TTC3: variants seen among roughly 807,000 people sequenced by gnomAD.
TTC3 encodes the protein E3 ubiquitin-protein ligase TTC3.
TTC3 carries 180 observed loss-of-function variants against 249.6 expected under a neutral mutation model. The ratio of observed to expected loss-of-function variants is 0.72; its 90% CI spans 0.64 to 0.82. The LOEUF (loss-of-function observed/expected upper bound fraction) is 0.82. Ranked by LOEUF, TTC3 falls within the 40% of genes least tolerant of loss-of-function variation. The pLI is 0.00. For synonymous variants in TTC3, 717 were observed against 805.0 expected (o/e 0.89, Z 1.85); for missense variants, 2,061 against 2,398.4 (o/e 0.86, Z 2.94).
chr21:37,176,921 C>T (rs540666888), intron 35 of TTC3, among the ~76,000 whole-genome samples: 102 of 152,288 alleles, frequency 6.7e-4, no homozygotes, highest in Non-Finnish European at 1.4e-3. Flanking sequence ...CACCACTTTA[C>T]AGCAGTGTAG....
At chr21:37,111,704 A>T (rs1293231872) in intron 11 of TTC3, among the ~76,000 whole-genome samples, 1 of 152,210 alleles carries the variant, frequency 6.6e-6, no homozygotes, top group Non-Finnish European at 1.5e-5. Flanking sequence ...CGGACCTAAT[A>T]GACATCTGCA....
At chr21:37,101,422 T>C (rs1056512628) in intron 10 of TTC3, 1 of 132,636 alleles carries the variant, frequency 7.5e-6, no homozygotes, top group African/African-American at 2.9e-5. Flanking sequence ...TGCCCTCTGG[T>C]GTGTGCTCTT....
chr21:37,083,762 T>C (rs768392796), intron 1 of TTC3: 1 of 152,222 alleles, frequency 6.6e-6, no homozygotes, highest in Admixed American at 6.5e-5. Flanking sequence ...GTGGGACATC[T>C]TGGTTAAGAT....
chr21:37,106,787 C>T (rs543254853), intron 10 of TTC3, among the ~76,000 whole-genome samples: 2 of 152,148 alleles, frequency 1.3e-5, no homozygotes, highest in Non-Finnish European at 2.9e-5. Context: ...TTCCCAGCTA[C>T]TCAGGAGGCT....
intron 10 of TTC3, among the ~76,000 whole-genome samples, chr21:37,103,265 C>G (rs145282621): frequency 1.0e-3 from 155 of 152,326 alleles, no homozygotes; most frequent in African/African-American, 3.5e-3. Context: ...AATAAAAACA[C>G]TTCCCTATGT....
intron 15 of TTC3, among the ~76,000 whole-genome samples, chr21:37,127,843 A>G (rs2077157357): frequency 6.6e-6 from 1 of 152,186 alleles, no homozygotes; most frequent in South Asian, 2.1e-4. Flanking sequence ...TGGTTAGCAC[A>G]TTAGCGTAAT....
At chr21:37,081,331 T>A (rs923774988) in intron 1 of TTC3, among the ~76,000 whole-genome samples, 2 of 152,092 alleles carry the variant, frequency 1.3e-5, no homozygotes, top group African/African-American at 4.8e-5. Context: ...TTGGCCAGGA[T>A]GGTCTTGATC....
In TTC3 at chr21:37,110,171, G is replaced by A. The variant is rs1412963638; in HGVS notation, c.900+1725G>A. 7.9e-5 allele frequency among the ~76,000 whole-genome samples: 12 copies of A among 152,372 alleles called. No individual in the cohort carries two copies. In the East Asian group the frequency reaches 2.1e-3, roughly 27 times the overall value. ...AGTGCCTCTCCTCCTCCAAAGGAAC[G>A]CAGCTCCTCACCAGCAATGGAACAA... On this transcript the variant is annotated intron_variant, in intron 11 of 45. Coordinates refer to ENST00000355666, the Ensembl canonical transcript of TTC3.
chr21:37,156,822 C>T (rs748780771), exon 28 of TTC3: 35 of 1,613,862 alleles, frequency 2.2e-5, no homozygotes, highest in African/African-American at 1.6e-4. Flanking sequence ...GAAGGAAGCC[C>T]GTTGTTTAAT....
intron 17 of TTC3, 51 bp downstream of exon 17, chr21:37,132,817 A>ATGTT: frequency 8.8e-6 from 12 of 1,369,320 alleles, no homozygotes; most frequent in African/African-American, 1.5e-5. Flanking sequence ...TGAACAAAAC[A>ATGTT]TTGTTCACAT....
chr21:37,197,458 GTGCATT>G, intron 42 of TTC3, 106 bp from the exon 43 acceptor site: 1 of 1,270,876 alleles, frequency 7.9e-7, no homozygotes, highest in South Asian at 1.3e-5. Context: ...TTAATTTTAT[GTGCATT>G]TGTCTTTGTT....
Position 37,166,486 on chromosome 21 carries a change from T to G in TTC3, c.4272T>G (p.Ala1424=), listed in dbSNP as rs770650120. The change falls in exon 33 of 46, where the codon GCT becomes GCG. Residue 1424 remains alanine (A), a synonymous_variant. Transcript: ENST00000355666. ...AGTCACACTGCAGCACAGGTGATGC[T>G]CATACAGTCCTGAGTGAGTCTAACA... is the stretch of plus-strand genomic sequence containing the variant. The G allele has an allele frequency of 2.5e-6, 4 of 1,614,196 alleles. No individual in the cohort carries two copies. The South Asian group carries it at 4.4e-5, about 18-fold the overall frequency.
chr21:37,112,846 A>G (rs2075794854), intron 11 of TTC3, among the ~76,000 whole-genome samples: 1 of 152,252 alleles, frequency 6.6e-6, no homozygotes, highest in Admixed American at 6.5e-5. Context: ...ATCCACCATG[A>G]TCAAGTGGGC....
At chr21:37,094,257 C>G (rs3753072) in intron 8 of TTC3, among the ~76,000 whole-genome samples, 167 bp downstream of exon 8, 25,856 of 151,954 alleles carry the variant, frequency 0.17, 2,515 homozygotes, top group Non-Finnish European at 0.22. Flanking sequence ...ATTTAAAAAC[C>G]ATTAATTGAA....
chr21:37,201,627 A>C (rs2085517010), exon 46 of TTC3: 1 of 1,578,650 alleles, frequency 6.3e-7, no homozygotes, highest in Admixed American at 1.9e-5. Flanking sequence ...AAGAATGACA[A>C]TTTTCTACCA....
In TTC3 at chr21:37,188,560, A is replaced by G. The variant is rs144256249; in HGVS notation, c.4989A>G (p.Ala1663=). 6.8e-6 allele frequency: 11 copies of G among 1,614,018 alleles called. No individual in the cohort carries two copies. In the African/African-American group the frequency reaches 9.3e-5, roughly 14 times the overall value. Reference sequence around the variant, plus strand: ...AGCTACAGATCATGGAGTCACAAGCAGAAGCCTTTCTGAAGAAGCTGGGGC... The same window carrying G: ...AGCTACAGATCATGGAGTCACAAGCGGAAGCCTTTCTGAAGAAGCTGGGGC... The change falls in exon 39 of 46, where the codon GCA becomes GCG. Residue 1663 remains alanine, a synonymous_variant. Coordinates refer to ENST00000355666, the Ensembl canonical transcript of TTC3.
rs989147643 is a variant in TTC3, at chr21:37,087,229, T to C, written c.-11-18T>C. The C allele has an allele frequency of 2.5e-6, 4 of 1,608,436 alleles. No individual in the cohort carries two copies. In the African/African-American group the frequency reaches 5.4e-5, roughly 22 times the overall value. ...CAAATGATTTAATTACTGACTTGAG[T>C]TTGTGTTGTCTCCTTAGACTTGTGC... On this transcript the variant is annotated intron_variant, in intron 1 of 45. Coordinates refer to ENST00000355666, the Ensembl canonical transcript of TTC3.
intron 37 of TTC3, 97 bp from the exon 38 acceptor site, chr21:37,186,952 C>T (rs555602130): frequency 6.9e-5 from 44 of 641,342 alleles, no homozygotes; most frequent in Admixed American, 6.4e-4. Context: ...CTGAGGCTAT[C>T]GTGGTGTGGT....
chr21:37,174,104 C>G (rs1387650711), intron 35 of TTC3, among the ~76,000 whole-genome samples: 2 of 151,764 alleles, frequency 1.3e-5, no homozygotes, highest in Non-Finnish European at 2.9e-5. Context: ...CGAGGCTTTC[C>G]TGGCTTTATA....
Sources: allele counts gnomAD v4.1 joint callset (sites outside exome capture counted in the v4.1 genomes callset), GRCh38; gene constraint gnomAD v4.1.1; transcripts MANE v1.5; gene names NCBI Gene and HGNC (gene_info 2026-07-23, HGNC 2026-07-21).